SEMA6D: variants seen among roughly 807,000 people sequenced by gnomAD.
SEMA6D encodes the protein semaphorin 6D.
A neutral mutation model predicts 106.6 loss-of-function variants in SEMA6D; 35 were observed. The ratio of observed to expected loss-of-function variants is 0.33; its 90% CI spans 0.25 to 0.44. The LOEUF is 0.44. Among genes scored for constraint, SEMA6D ranks in the 20% least tolerant of loss-of-function variants. The probability of loss-of-function intolerance (pLI) is 1.00; values close to 1 mark genes in which losing one functional copy is unlikely to be tolerated. For missense variants in SEMA6D, 1,185 were observed against 1,345.9 expected (o/e 0.88, Z 1.87); for synonymous variants, 499 against 487.7 (o/e 1.02, Z -0.31).
chr15:47,646,298 A>C (rs1280073273), intron 4 of SEMA6D, among the ~76,000 whole-genome samples: 1 of 152,208 alleles, frequency 6.6e-6, no homozygotes, highest in Non-Finnish European at 1.5e-5. Flanking sequence ...GCCGTATGCC[A>C]GGAAACTTAC....
intron 1 of SEMA6D, among the ~76,000 whole-genome samples, chr15:47,238,409 C>A (rs888798377): frequency 3.9e-5 from 6 of 152,120 alleles, no homozygotes; most frequent in Admixed American, 3.3e-4. Context: ...CCTCACCCCC[C>A]AGAGTATACC....
At chr15:47,200,109 A>C (rs1894625595) in intron 1 of SEMA6D, among the ~76,000 whole-genome samples, 1 of 152,108 alleles carries the variant, frequency 6.6e-6, no homozygotes, top group African/African-American at 2.4e-5. Context: ...CTCAAACCAA[A>C]AGCAAGATTA....
intron 1 of SEMA6D, among the ~76,000 whole-genome samples, chr15:47,372,376 C>T (rs1309304390): frequency 6.6e-6 from 1 of 152,204 alleles, no homozygotes; most frequent in Non-Finnish European, 1.5e-5. Context: ...TTCACATACT[C>T]AAACTGATGG....
In SEMA6D at chr15:47,253,522, A is replaced by G. The variant is rs73399005; in HGVS notation, c.-239+69104A>G. On this transcript the variant is annotated intron_variant, in intron 1 of 19. Transcript: ENST00000558014. ...ACATTTAAATATGTAATTGATTTTG[A>G]GTTGATTTTTGTATAAGGTAAGAAA... Among the ~76,000 whole-genome samples, 1,060 of 152,182 alleles carry G rather than the reference A, an allele frequency of 7.0e-3. 3 individuals are homozygous for G. The highest frequency in any genetic ancestry group is 0.025 in the African/African-American group (1,019 of 41,526).
At chr15:47,750,198 T>C (rs565749994) in intron 1 of SEMA6D, among the ~76,000 whole-genome samples, 2 of 152,236 alleles carry the variant, frequency 1.3e-5, no homozygotes, top group Admixed American at 1.3e-4. Flanking sequence ...GCTGTTTGTT[T>C]ATAATGATAG....
At chr15:47,666,711 T>G (rs1437769109) in intron 4 of SEMA6D, among the ~76,000 whole-genome samples, 1 of 152,218 alleles carries the variant, frequency 6.6e-6, no homozygotes, top group Non-Finnish European at 1.5e-5. Context: ...GAGAATTCCC[T>G]CCTTGTTTTG....
chr15:47,451,557 A>G (rs1053310514), intron 2 of SEMA6D, among the ~76,000 whole-genome samples: 1 of 151,994 alleles, frequency 6.6e-6, no homozygotes, highest in African/African-American at 2.4e-5. Context: ...ACTTTGGGGA[A>G]GGAATAGAAA....
chr15:47,651,022 T>C (rs1163641522), intron 4 of SEMA6D, among the ~76,000 whole-genome samples: 2 of 152,212 alleles, frequency 1.3e-5, no homozygotes, highest in Non-Finnish European at 2.9e-5. Context: ...TCTGGGCACA[T>C]TCATAATTTT....
chr15:47,544,265 T>C (rs917520772), intron 3 of SEMA6D, among the ~76,000 whole-genome samples: 1 of 152,134 alleles, frequency 6.6e-6, no homozygotes, highest in Non-Finnish European at 1.5e-5. Flanking sequence ...AATCCCAAAA[T>C]ATCCAAAATA....
chr15:47,563,423 G>T (rs762109712), intron 3 of SEMA6D, among the ~76,000 whole-genome samples: 1 of 152,070 alleles, frequency 6.6e-6, no homozygotes, highest in Admixed American at 6.5e-5. Flanking sequence ...TTGTTAAAAG[G>T]CTGAATGCCA....
At chr15:47,722,271 G>T (rs982036778) in intron 1 of SEMA6D, among the ~76,000 whole-genome samples, 6 of 152,158 alleles carry the variant, frequency 3.9e-5, no homozygotes, top group Non-Finnish European at 8.8e-5. Context: ...TTCAGAACTT[G>T]AGTCTACTTG....
intron 2 of SEMA6D, among the ~76,000 whole-genome samples, chr15:47,438,738 T>C (rs1453009190): frequency 6.6e-6 from 1 of 151,758 alleles, no homozygotes; most frequent in Non-Finnish European, 1.5e-5. Flanking sequence ...CTTCCCTGGG[T>C]ATGCTTATTT....
chr15:47,761,687 A>G lies in SEMA6D; in HGVS notation c.474A>G (p.Glu158=). The change falls in exon 7 of 19, where the codon GAA becomes GAG. Residue 158 remains glutamate, a synonymous_variant. Transcript: ENST00000536845. ...TGAGTACCTTAGAATATGATGGGGAAGAAATTAGTGGCCTGGCAAGATGCC... is the reference window on the plus strand; with the variant it reads ...TGAGTACCTTAGAATATGATGGGGAGGAAATTAGTGGCCTGGCAAGATGCC... ...YRLSTLEYDG[E]EISGLARCPF... is the part of the protein sequence containing the mutation. 6.2e-7 allele frequency: 1 copy of G among 1,613,426 alleles called. No homozygotes were observed. Among genetic ancestry groups the G allele is most frequent in the Non-Finnish European group, 8.5e-7 (1 of 1,179,616 alleles).
intron 1 of SEMA6D, among the ~76,000 whole-genome samples, chr15:47,391,475 A>C (rs1056046466): frequency 1.3e-5 from 2 of 152,086 alleles, no homozygotes; most frequent in Non-Finnish European, 2.9e-5. Flanking sequence ...CTTAAAAGAC[A>C]ATGTCAAGCA....
chr15:47,372,760 A>G (rs563593689), intron 1 of SEMA6D, among the ~76,000 whole-genome samples: 2 of 152,098 alleles, frequency 1.3e-5, no homozygotes, highest in South Asian at 4.2e-4. Flanking sequence ...AACTCCAGCA[A>G]CTCCCTCCAG....
chr15:47,527,385 A>G (rs937047307), intron 3 of SEMA6D, among the ~76,000 whole-genome samples: 1 of 152,208 alleles, frequency 6.6e-6, no homozygotes, highest in Non-Finnish European at 1.5e-5. Flanking sequence ...GTTATATGGA[A>G]ATGCCAAAAA....
chr15:47,275,977 A>G (rs2034791118), intron 1 of SEMA6D, among the ~76,000 whole-genome samples: 1 of 152,160 alleles, frequency 6.6e-6, no homozygotes, highest in South Asian at 2.1e-4. Context: ...TACTGCTGAT[A>G]TTCAGAAAGT....
intron 2 of SEMA6D, among the ~76,000 whole-genome samples, chr15:47,430,808 C>T (rs1233013850): frequency 2.6e-5 from 4 of 152,100 alleles, no homozygotes; most frequent in African/African-American, 7.2e-5. Context: ...CACTCTTTAC[C>T]ATCCCTCTAC....
intron 1 of SEMA6D, among the ~76,000 whole-genome samples, chr15:47,224,625 A>G (rs1414300248): frequency 3.3e-5 from 5 of 152,064 alleles, no homozygotes; most frequent in African/African-American, 1.2e-4. Flanking sequence ...ACCTCATTTC[A>G]TTCCAAGTCA....
Sources: gnomAD v4.1 joint callset for allele counts (sites outside exome capture counted in the v4.1 genomes callset) on GRCh38, gnomAD v4.1.1 for gene constraint, MANE v1.5 for transcripts, NCBI Gene and HGNC (gene_info 2026-07-23, HGNC 2026-07-21) for gene names.